OSBPL10: variants seen among roughly 807,000 people sequenced by gnomAD.
The protein encoded by OSBPL10 is oxysterol binding protein like 10.
In OSBPL10, 49 loss-of-function variants were observed where a neutral mutation model predicts 81.7. The observed-to-expected ratio is 0.60, with a 90% CI of 0.48 to 0.76. The LOEUF (loss-of-function observed/expected upper bound fraction) is 0.76, where lower values mean the gene tolerates loss of function less well. Among genes scored for constraint, OSBPL10 ranks in the 30% least tolerant of loss-of-function variants. The pLI is 0.00. For synonymous variants in OSBPL10, 419 were observed against 383.6 expected (o/e 1.09, Z -1.08); for missense variants, 923 against 987.8 (o/e 0.93, Z 0.88).
At chr3:31,932,427 C>T (rs528423174) in intron 1 of OSBPL10, among the ~76,000 whole-genome samples, 1 of 152,194 alleles carries the variant, frequency 6.6e-6, no homozygotes, top group Admixed American at 6.5e-5. Context: ...GCTGCTTGTT[C>T]TAACAATATA....
intron 3 of OSBPL10, among the ~76,000 whole-genome samples, chr3:31,842,247 A>G (rs112987021): frequency 6.6e-6 from 1 of 152,374 alleles, no homozygotes; most frequent in East Asian, 1.9e-4. Context: ...TGATGTCTCC[A>G]TATCACCTTA....
chr3:31,929,138 C>T (rs1697164112), intron 1 of OSBPL10, among the ~76,000 whole-genome samples: 2 of 152,156 alleles, frequency 1.3e-5, no homozygotes, highest in Non-Finnish European at 2.9e-5. Context: ...TAATACTCAA[C>T]ATCCATTCAC....
At chr3:31,804,576 A>C (rs895939492) in intron 4 of OSBPL10, among the ~76,000 whole-genome samples, 1 of 152,178 alleles carries the variant, frequency 6.6e-6, no homozygotes, top group Non-Finnish European at 1.5e-5. Context: ...CATTTTAACA[A>C]CCAAAGTTAC....
chr3:31,930,496 G>A (rs972019042), intron 1 of OSBPL10, among the ~76,000 whole-genome samples: 1 of 152,100 alleles, frequency 6.6e-6, no homozygotes, highest in Non-Finnish European at 1.5e-5. Flanking sequence ...GCACATGCGA[G>A]AAAGTATGTA....
At chr3:31,701,363 G>GCT (rs1695888533) in intron 7 of OSBPL10, among the ~76,000 whole-genome samples, 1 of 152,090 alleles carries the variant, frequency 6.6e-6, no homozygotes, top group African/African-American at 2.4e-5. Context: ...TCCTTCCCCA[G>GCT]CACACCCTCC....
At chr3:31,803,298 G>T (rs1699437335) in intron 4 of OSBPL10, among the ~76,000 whole-genome samples, 1 of 152,170 alleles carries the variant, frequency 6.6e-6, no homozygotes, top group Non-Finnish European at 1.5e-5. Context: ...GTCTTCTAGG[G>T]AGGAACAGTG....
chr3:31,665,430 G>A (rs1051879186), intron 10 of OSBPL10, among the ~76,000 whole-genome samples: 3 of 152,176 alleles, frequency 2.0e-5, no homozygotes, highest in Non-Finnish European at 4.4e-5. Context: ...TACAGCGGGT[G>A]TCCTTAACCC....
At chr3:31,961,744 T>C (rs1698169917) in intron 1 of OSBPL10, among the ~76,000 whole-genome samples, 1 of 152,092 alleles carries the variant, frequency 6.6e-6, no homozygotes, top group African/African-American at 2.4e-5. Context: ...AATTTCATTT[T>C]AAATGGCATA....
chr3:31,913,916 ATTGT>A (rs796700065), intron 1 of OSBPL10, among the ~76,000 whole-genome samples: 145 of 151,932 alleles, frequency 9.5e-4, no homozygotes, highest in African/African-American at 3.3e-3. Flanking sequence ...TTATTTTTTG[ATTGT>A]TTGTTTGCAT....
chr3:31,732,420 T>G (rs2125663925), intron 6 of OSBPL10, among the ~76,000 whole-genome samples: 1 of 152,316 alleles, frequency 6.6e-6, no homozygotes, highest in South Asian at 2.1e-4. Flanking sequence ...CAAATAGATT[T>G]TGTAAGTGTT....
chr3:31,717,762 T>C (rs548732322), intron 6 of OSBPL10, among the ~76,000 whole-genome samples: 1 of 152,318 alleles, frequency 6.6e-6, no homozygotes, highest in East Asian at 1.9e-4. Flanking sequence ...AAGAGGGTAA[T>C]TGCAGCAATT....
At chr3:31,785,409 G>T (rs527880136) in intron 4 of OSBPL10, among the ~76,000 whole-genome samples, 1 of 152,260 alleles carries the variant, frequency 6.6e-6, no homozygotes, top group Non-Finnish European at 1.5e-5. Flanking sequence ...GGGAGACAGG[G>T]AAACAGGAAA....
chr3:31,825,492 G>A (rs923946802), intron 4 of OSBPL10, among the ~76,000 whole-genome samples: 2 of 152,036 alleles, frequency 1.3e-5, no homozygotes, highest in Non-Finnish European at 1.5e-5. Context: ...TAGCAAATCT[G>A]TAAATTTTTT....
chr3:32,038,566 T>C (rs1248252021), intron 2 of OSBPL10, among the ~76,000 whole-genome samples: 1 of 152,104 alleles, frequency 6.6e-6, no homozygotes, highest in Non-Finnish European at 1.5e-5. Flanking sequence ...AAGTGATCCA[T>C]CCACCTCGGT....
At chr3:31,831,466 G>A (rs1415520047) in intron 3 of OSBPL10, among the ~76,000 whole-genome samples, 3 of 151,324 alleles carry the variant, frequency 2.0e-5, no homozygotes, top group African/African-American at 7.3e-5. Context: ...CTAAAAACTG[G>A]AAATTTCTGC....
chr3:31,683,369 G>A (rs907873161), intron 8 of OSBPL10, among the ~76,000 whole-genome samples: 5 of 152,164 alleles, frequency 3.3e-5, no homozygotes, highest in Non-Finnish European at 2.9e-5. Flanking sequence ...GCACGCACGC[G>A]CGTGCACAGC....
chr3:31,877,940 C>T (rs754974976), intron 2 of OSBPL10, among the ~76,000 whole-genome samples: 2 of 152,188 alleles, frequency 1.3e-5, no homozygotes, highest in Admixed American at 6.5e-5. Context: ...CTCCCAAAAG[C>T]TGTGCGTCTC....
At chr3:31,861,635 G>T (rs77304793) in intron 3 of OSBPL10, among the ~76,000 whole-genome samples, 6,010 of 152,118 alleles carry the variant, frequency 0.04, 396 homozygotes, top group African/African-American at 0.14. Flanking sequence ...TGGCCTCTTT[G>T]GTGACACTAA....
chr3:31,765,725 G>A (rs1054090395), intron 4 of OSBPL10, among the ~76,000 whole-genome samples: 1 of 152,184 alleles, frequency 6.6e-6, no homozygotes, highest in African/African-American at 2.4e-5. Context: ...CATTTCTGGG[G>A]ATAAGTAGGA....
Sources: allele counts gnomAD v4.1 joint callset (sites outside exome capture counted in the v4.1 genomes callset), GRCh38; gene constraint gnomAD v4.1.1; transcripts MANE v1.5; gene names NCBI Gene and HGNC (gene_info 2026-07-23, HGNC 2026-07-21).